Variants in EXPH5 observed in about 807,000 individuals in gnomAD.
The protein encoded by EXPH5 is exophilin-5.
EXPH5 carries 42 observed loss-of-function variants against 41.1 expected under a neutral mutation model. That is an observed-to-expected ratio of 1.02 (90% CI 0.80 to 1.32). The LOEUF is 1.32. EXPH5 is among the 40% of genes most tolerant of loss of function. The pLI is 0.00. For missense variants in EXPH5, 2,298 were observed against 2,314.5 expected (o/e 0.99, Z 0.15); for synonymous variants, 798 against 833.5 (o/e 0.96, Z 0.73).
chr11:108,520,680 C>T (rs2093759441), intron 4 of EXPH5, among the ~76,000 whole-genome samples: 1 of 152,080 alleles, frequency 6.6e-6, no homozygotes. Context: ...AATTCCCCTG[C>T]CTCAGCCTCC....
chr11:108,530,319 T>C (rs1478203525), intron 3 of EXPH5, among the ~76,000 whole-genome samples: 1 of 152,192 alleles, frequency 6.6e-6, no homozygotes, highest in Non-Finnish European at 1.5e-5. Flanking sequence ...AGGGACCCTG[T>C]TCTCTGAGAG....
chr11:108,534,972 G>A (rs2093869833), intron 3 of EXPH5, among the ~76,000 whole-genome samples: 1 of 152,176 alleles, frequency 6.6e-6, no homozygotes, highest in Admixed American at 6.5e-5. Context: ...TCCAGGCAGG[G>A]ACTTTGCTTT....
intron 1 of EXPH5, among the ~76,000 whole-genome samples, chr11:108,585,443 C>G (rs987002014): frequency 2.0e-5 from 3 of 152,126 alleles, no homozygotes; most frequent in Admixed American, 6.5e-5. Context: ...TGAGAGGAAG[C>G]CTTTTTGCCC....
upstream of EXPH5, among the ~76,000 whole-genome samples, chr11:108,598,420 G>A (rs909116761): frequency 5.3e-5 from 8 of 152,116 alleles, no homozygotes; most frequent in Non-Finnish European, 1.2e-4. Flanking sequence ...GAGGCACCAA[G>A]GCAAACAGGT....
intron 1 of EXPH5, among the ~76,000 whole-genome samples, chr11:108,549,916 T>C (rs1181571208): frequency 2.6e-5 from 4 of 152,228 alleles, no homozygotes; most frequent in African/African-American, 9.6e-5. Flanking sequence ...GGGGTCTCTT[T>C]TACCTCTTTC....
rs759548587 is a variant in EXPH5, at chr11:108,510,307, G to A, written c.5200C>T (p.Pro1734Ser). Residue 1734 changes from proline to serine, a missense_variant, in exon 6 of 6, where the codon CCC (proline) becomes TCC (serine). Coordinates refer to ENST00000265843, the MANE Select transcript of EXPH5 (RefSeq NM_015065.3). ...NLVRESGAPSPITFTSLREAE... is the reference protein window; with the variant it reads ...NLVRESGAPSSITFTSLREAE... ...TCCCTGAGGCTGGTGAATGTGATGGGTGATGGGGCTCCTGATTCTCTTACT... is the reference window on the plus strand; with the variant it reads ...TCCCTGAGGCTGGTGAATGTGATGGATGATGGGGCTCCTGATTCTCTTACT... 1.7e-5 allele frequency: 28 copies of A among 1,614,056 alleles called. No homozygotes were observed. In the East Asian group the frequency reaches 4.0e-4, roughly 23 times the overall value.
At chr11:108,556,001 A>G (rs1215501067) in intron 1 of EXPH5, among the ~76,000 whole-genome samples, 1 of 152,210 alleles carries the variant, frequency 6.6e-6, no homozygotes, top group Admixed American at 6.5e-5. Context: ...GGCTCCATAC[A>G]GGAGCAAGAG....
rs1040811831 is a variant in EXPH5 at position 108,512,144 on chromosome 11, C to T, written c.3363G>A (p.Arg1121=). The T allele has an allele frequency of 1.7e-5, 27 of 1,613,184 alleles. No individual in the cohort carries two copies. The highest frequency in any genetic ancestry group is 3.3e-4 in the Middle Eastern group (2 of 6,078). Residue 1121 remains arginine, a synonymous_variant, in exon 6 of 6, where the codon AGG becomes AGA. Coordinates refer to ENST00000265843, the MANE Select transcript of EXPH5 (RefSeq NM_015065.3). ...RKGPLPFLIN[R]AMSCPSGEPH... is the part of the protein sequence containing the mutation. The stretch of plus-strand genomic sequence containing the variant: ...GCTCCCCTGAGGGACATGACATAGC[C>T]CTGTTGATGAGGAATGGAAGTGGTC...
intron 1 of EXPH5, among the ~76,000 whole-genome samples, chr11:108,580,787 GA>G (rs2094095708): frequency 6.6e-6 from 1 of 152,140 alleles, no homozygotes; most frequent in Non-Finnish European, 1.5e-5. Flanking sequence ...TATGTTAAGT[GA>G]AATAAACCAA....
At chr11:108,550,800 A>ATAAT (rs1173274590) in intron 1 of EXPH5, among the ~76,000 whole-genome samples, 3 of 152,024 alleles carry the variant, frequency 2.0e-5, no homozygotes, top group African/African-American at 7.2e-5. Flanking sequence ...AAATAAATAA[A>ATAAT]TAAAAAATAA....
chr11:108,544,216 G>A (rs992495742), intron 1 of EXPH5, among the ~76,000 whole-genome samples: 2 of 151,992 alleles, frequency 1.3e-5, no homozygotes, highest in African/African-American at 4.8e-5. Context: ...TAGAGACAAC[G>A]TCTCACTCTG....
chr11:108,572,331 G>A lies in EXPH5; in HGVS notation c.119+21087C>T, dbSNP rs906187461. 4.6e-5 allele frequency among the ~76,000 whole-genome samples: 7 copies of A among 152,114 alleles called. No individual in the cohort carries two copies. In the East Asian group the frequency reaches 7.7e-4, roughly 17 times the overall value. Reference sequence around the variant, plus strand: ...TTTAAAGCAGCAAAGTACTCCACACGTTTACTCACTGTCCCCTGACTGGTT... The same window carrying A: ...TTTAAAGCAGCAAAGTACTCCACACATTTACTCACTGTCCCCTGACTGGTT... On this transcript the variant is annotated intron_variant, in intron 1 of 5. Coordinates refer to ENST00000265843, the MANE Select transcript of EXPH5 (RefSeq NM_015065.3).
At chr11:108,588,564 A>T (rs2094119932) in intron 1 of EXPH5, among the ~76,000 whole-genome samples, 1 of 152,192 alleles carries the variant, frequency 6.6e-6, no homozygotes, top group Admixed American at 6.5e-5. Flanking sequence ...TGTCGAATGG[A>T]GATAAAGATA....
chr11:108,549,305 T>C (rs1327164558), intron 1 of EXPH5, among the ~76,000 whole-genome samples: 2 of 152,262 alleles, frequency 1.3e-5, no homozygotes, highest in Non-Finnish European at 2.9e-5. Flanking sequence ...CCTTTCTTCA[T>C]TCACATGAAT....
chr11:108,532,493 G>A (rs1000471556), intron 3 of EXPH5, among the ~76,000 whole-genome samples: 10 of 147,160 alleles, frequency 6.8e-5, no homozygotes, highest in Non-Finnish European at 1.5e-4. Context: ...GGGATTACAG[G>A]CGTGAGCCAT....
In EXPH5 at chr11:108,512,738, T is replaced by C; in HGVS notation, c.2769A>G (p.Glu923=). ...DKDPSLGERE[E]KDNAGKNQKN... ...TTTGGTTCTTCCCAGCATTGTCTTT[T>C]TCTTCTCTTTCTCCTAGCGATGGAT... The change falls in exon 6 of 6, where the codon GAA becomes GAG. Residue 923 remains glutamate (E), a synonymous_variant. Coordinates refer to ENST00000265843, the MANE Select transcript of EXPH5 (RefSeq NM_015065.3). The C allele has an allele frequency of 6.2e-7, 1 of 1,613,758 alleles. No homozygotes were observed. Among genetic ancestry groups the C allele is most frequent in the Non-Finnish European group, 8.5e-7 (1 of 1,179,940 alleles).
chr11:108,514,347 T>C lies in EXPH5; in HGVS notation c.1160A>G (p.Glu387Gly). 1 of 1,613,578 alleles carries C rather than the reference T, an allele frequency of 6.2e-7. No individual in the cohort carries two copies. The highest frequency in any genetic ancestry group is 8.5e-7 in the Non-Finnish European group (1 of 1,179,712). Reference sequence around the variant, plus strand: ...CATTGGTGATGGTGCCCTCAGGAACTCTTCCTGGTTCTCCCTGTCTCTAGA... The same window carrying C: ...CATTGGTGATGGTGCCCTCAGGAACCCTTCCTGGTTCTCCCTGTCTCTAGA... The part of the protein sequence containing the change: ...DSSRDRENQE[E>G]FLRAPSPMEI... The change falls in exon 6 of 6, where the codon GAG becomes GGG. Residue 387 changes from glutamate to glycine, a missense_variant. Glu to Gly is a moderately conservative substitution (Grantham distance 98). Coordinates refer to ENST00000265843, the MANE Select transcript of EXPH5 (RefSeq NM_015065.3).
chr11:108,530,602 G>T (rs940675581), intron 3 of EXPH5, among the ~76,000 whole-genome samples: 3 of 152,162 alleles, frequency 2.0e-5, no homozygotes, highest in African/African-American at 7.2e-5. Context: ...GACTGTGAAG[G>T]TTCTTTCTGG....
Position 108,514,216 on chromosome 11 carries a change from C to A in EXPH5, c.1291G>T (p.Ala431Ser), listed in dbSNP as rs777861207. Residue 431 changes from alanine to serine, a missense_variant, in exon 6 of 6, where the codon GCT becomes TCT. Transcript: ENST00000265843. ...GGACTCATTGCATTCTCCATGGGAGCATTTAAACTAACACGTTGGTAAACA... is the reference window on the plus strand; with the variant it reads ...GGACTCATTGCATTCTCCATGGGAGAATTTAAACTAACACGTTGGTAAACA... Reference protein sequence around the residue: ...QNVYQRVSLNAPMENAMSPDT... With the variant: ...QNVYQRVSLNSPMENAMSPDT... The A allele has an allele frequency of 6.4e-5, 103 of 1,614,074 alleles. No individual in the cohort carries two copies. Among genetic ancestry groups the A allele is most frequent in the Non-Finnish European group, 8.2e-5 (97 of 1,180,048 alleles).
Sources: allele counts gnomAD v4.1 joint callset (sites outside exome capture counted in the v4.1 genomes callset), GRCh38; gene constraint gnomAD v4.1.1; transcripts MANE v1.5; gene names NCBI Gene and HGNC (gene_info 2026-07-23, HGNC 2026-07-21).